Variants in TTYH3 observed in about 807,000 individuals in gnomAD.
TTYH3 encodes protein tweety homolog 3.
TTYH3 carries 23 observed loss-of-function variants against 68.2 expected under a neutral mutation model. The observed-to-expected ratio is 0.34, with a 90% CI of 0.24 to 0.48. TTYH3 has a LOEUF of 0.48. Ranked by LOEUF, TTYH3 falls within the 20% of genes least tolerant of loss-of-function variation. TTYH3 has a pLI of 0.99. For missense variants in TTYH3, 768 were observed against 727.7 expected (o/e 1.06, Z -0.64); for synonymous variants, 360 against 332.8 (o/e 1.08, Z -0.89).
Position 2,658,270 on chromosome 7 carries a change from G to T in TTYH3, c.1251-16G>T. On this transcript the variant is annotated splice_polypyrimidine_tract_variant and intron_variant, in intron 11 of 13. Transcript: ENST00000258796. ...CTGCTGGGGCCTGAGCCCGTGCTGC[G>T]TGTCCCTCCTCACAGAGGCCCTGAT... 6.5e-7 allele frequency: 1 copy of T among 1,538,558 alleles called. No homozygotes were observed. The highest frequency in any genetic ancestry group is 8.8e-7 in the Non-Finnish European group (1 of 1,137,622).
Position 2,647,544 on chromosome 7 carries a change from C to T in TTYH3, c.532C>T (p.Leu178=). 1.3e-6 allele frequency: 2 copies of T among 1,555,716 alleles called. No homozygotes were observed. Among genetic ancestry groups the T allele is most frequent in the South Asian group, 1.2e-5 (1 of 84,382 alleles). ...VQRLQGLLET[L]LGYTAAIPFW... is the part of the protein sequence containing the mutation. Reference sequence around the variant, plus strand: ...GAGGCTGCAGGGCCTGCTGGAGACGCTGCTGGGCTACACGGCCGCCATCCC... The same window carrying T: ...GAGGCTGCAGGGCCTGCTGGAGACGTTGCTGGGCTACACGGCCGCCATCCC... The change falls in exon 4 of 14, where the codon CTG becomes TTG. Residue 178 remains leucine (L), a synonymous_variant. Transcript: ENST00000258796.
In TTYH3 at chr7:2,652,228, A is replaced by C; in HGVS notation, c.913A>C (p.Asn305His). 6.2e-7 allele frequency: 1 copy of C among 1,612,694 alleles called. No individual in the cohort carries two copies. Among genetic ancestry groups the C allele is most frequent in the Non-Finnish European group, 8.5e-7 (1 of 1,179,986 alleles). Residue 305 changes from asparagine to histidine, a missense_variant, in exon 8 of 14, where the codon AAC becomes CAC. Coordinates refer to ENST00000258796, the MANE Select transcript of TTYH3 (RefSeq NM_025250.3). ...YYLACSPRAANPFQQKLSGSH... is the reference protein window; with the variant it reads ...YYLACSPRAAHPFQQKLSGSH... ...CCTGGCCTGCTCGCCCCGCGCCGCC[A>C]ACCCCTTCCAGCAGGTGAGAGCCTG...
Position 2,640,688 on chromosome 7 carries a change from G to A in TTYH3, c.124-6165G>A, listed in dbSNP as rs114283027. On this transcript the variant is annotated intron_variant, in intron 1 of 13. Coordinates refer to ENST00000258796, the MANE Select transcript of TTYH3 (RefSeq NM_025250.3). ...TGTCTGTGTGGCTGATGGGAGTCAC[G>A]TCCAGACAGGGCCTGGAGGCAGAGT... Among the ~76,000 whole-genome samples, 1,026 of 152,360 alleles carry A rather than the reference G, an allele frequency of 6.7e-3. 8 individuals carry two copies. The highest frequency in any genetic ancestry group is 0.023 in the African/African-American group (964 of 41,580).
chr7:2,660,509 T>C, intron 13 of TTYH3: 3 of 985,288 alleles, frequency 3.0e-6, no homozygotes, highest in Non-Finnish European at 3.6e-6. Context: ...TGCGGGTGCC[T>C]GCTTGGGCTC....
chr7:2,654,386 C>T (rs1261202555), intron 9 of TTYH3, among the ~76,000 whole-genome samples: 1 of 152,088 alleles, frequency 6.6e-6, no homozygotes, highest in Non-Finnish European at 1.5e-5. Context: ...CAGAGCAAGA[C>T]CCTGTCTCTC....
chr7:2,661,873 TG>T lies in TTYH3; in HGVS notation c.*135del, dbSNP rs998844867. On this transcript the variant is annotated 3_prime_UTR_variant, in exon 14 of 14. Coordinates refer to ENST00000258796, the MANE Select transcript of TTYH3 (RefSeq NM_025250.3). ...GCCCCAGACGCGTCTGCAGGCCGCT[TG>T]CCCTCCTGTCCCCTCCCCGCAGGGG... is the stretch of plus-strand genomic sequence containing the variant. The T allele has an allele frequency of 1.5e-4, 141 of 966,792 alleles. No homozygotes were observed. The highest frequency in any genetic ancestry group is 1.9e-4 in the Non-Finnish European group (125 of 641,710). The allele number at this position is 966,792 out of a possible 1,614,324, so 59.9% of individuals were successfully genotyped here.
At chr7:2,635,093 G>A (rs1785622863) in intron 1 of TTYH3, among the ~76,000 whole-genome samples, 1 of 152,178 alleles carries the variant, frequency 6.6e-6, no homozygotes, top group Non-Finnish European at 1.5e-5. Flanking sequence ...TGAATGGGGG[G>A]CTGTTGTTCA....
intron 11 of TTYH3, 129 bp downstream of exon 11, chr7:2,656,663 G>C (rs752616397): frequency 8.6e-7 from 1 of 1,160,212 alleles, no homozygotes; most frequent in Non-Finnish European, 1.2e-6. Context: ...TCCTCACCTC[G>C]TGACCCTCCC....
At chr7:2,643,474 G>A (rs1785906350) in intron 1 of TTYH3, among the ~76,000 whole-genome samples, 1 of 152,148 alleles carries the variant, frequency 6.6e-6, no homozygotes, top group Admixed American at 6.5e-5. Flanking sequence ...CGATGATGCT[G>A]AGTGCCTGTG....
intron 5 of TTYH3, among the ~76,000 whole-genome samples, chr7:2,649,254 C>T (rs1419208500): frequency 6.6e-6 from 1 of 152,010 alleles, no homozygotes; most frequent in Non-Finnish European, 1.5e-5. Flanking sequence ...CGGGGACCCA[C>T]GTGAAAGTGG....
rs151151147 is a variant in TTYH3 at position 2,661,702 on chromosome 7, C to T, written c.1535C>T (p.Thr512Met). ...TSSMRAKYLA[T>M]SQPRPDSSGS... ...AGCATGAGAGCCAAATACCTCGCCA[C>T]GAGCCAGCCTCGCCCTGACTCCAGC... Residue 512 changes from threonine to methionine, a missense_variant, in exon 14 of 14, where the codon ACG (threonine) becomes ATG (methionine). By Grantham distance (81) the Thr-to-Met change is moderately conservative. Transcript: ENST00000258796. 805 of 1,610,738 alleles carry T rather than the reference C, an allele frequency of 5.0e-4. No homozygotes were observed. Among genetic ancestry groups the T allele is most frequent in the Non-Finnish European group, 3.7e-4 (438 of 1,178,982 alleles).
At chr7:2,641,901 C>G (rs1785856884) in intron 1 of TTYH3, among the ~76,000 whole-genome samples, 1 of 152,242 alleles carries the variant, frequency 6.6e-6, no homozygotes, top group Non-Finnish European at 1.5e-5. Context: ...CCCTGACACC[C>G]AGGCTCTGCA....
chr7:2,657,439 G>A (rs2114997320), intron 11 of TTYH3, among the ~76,000 whole-genome samples: 1 of 138,382 alleles, frequency 7.2e-6, no homozygotes, highest in South Asian at 2.3e-4. Context: ...TGGTGATGGT[G>A]ATGTCATTGT....
intron 1 of TTYH3, chr7:2,646,019 C>CTT (rs35440595): frequency 6.8e-4 from 198 of 293,264 alleles, no homozygotes; most frequent in South Asian, 1.1e-3. Flanking sequence ...AGCAGCAGCA[C>CTT]TTTTTTTTTT....
intron 11 of TTYH3, 23 bp from the exon 12 acceptor site, chr7:2,658,263 G>A (rs557301159): frequency 5.1e-5 from 78 of 1,523,212 alleles, no homozygotes; most frequent in Admixed American, 3.9e-4. Context: ...GCCTGAGCCC[G>A]TGCTGCGTGT....
At chr7:2,655,675 G>A (rs1175498037) in intron 9 of TTYH3, among the ~76,000 whole-genome samples, 1 of 152,248 alleles carries the variant, frequency 6.6e-6, no homozygotes, top group Non-Finnish European at 1.5e-5. Context: ...CGCTCACTCT[G>A]CATGGAGAGT....
At chr7:2,646,551 C>T (rs1785988685) in intron 1 of TTYH3, among the ~76,000 whole-genome samples, 1 of 152,170 alleles carries the variant, frequency 6.6e-6, no homozygotes, top group Non-Finnish European at 1.5e-5. Flanking sequence ...TTGCTGGAGC[C>T]ACAGAAGCCT....
intron 13 of TTYH3, chr7:2,660,565 G>GTCCCGCCCCCA (rs1786468136): frequency 1.8e-6 from 1 of 564,696 alleles, no homozygotes; most frequent in African/African-American, 4.0e-5. Context: ...GTCCCGCCCC[G>GTCCCGCCCCCA]TCCCGCCCCC....
In TTYH3 at chr7:2,658,423, C is replaced by T. The variant is rs1786399273; in HGVS notation, c.1388C>T (p.Ala463Val). 1.2e-6 allele frequency: 2 copies of T among 1,612,092 alleles called. No individual in the cohort carries two copies. Among genetic ancestry groups the T allele is most frequent in the Non-Finnish European group, 1.7e-6 (2 of 1,179,648 alleles). ...YGSETSIPAA[A>V]HTVSNAPVTE... ...AGTGAGACCAGCATCCCGGCCGCGG[C>T]CCACACCGTCAGCAACGCCCCGGTC... Residue 463 changes from alanine to valine, a missense_variant, in exon 12 of 14, where the codon GCC becomes GTC. By Grantham distance (64) the Ala-to-Val change is moderately conservative (BLOSUM62 0). Transcript: ENST00000258796.
Sources: allele counts gnomAD v4.1 joint callset (sites outside exome capture counted in the v4.1 genomes callset), GRCh38; gene constraint gnomAD v4.1.1; transcripts MANE v1.5; gene names NCBI Gene and HGNC (gene_info 2026-07-23, HGNC 2026-07-21).